The following PGLYRP3 variants were observed in gnomAD, a reference collection of about 807,000 sequenced individuals.
PGLYRP3 encodes the protein peptidoglycan recognition protein I alpha.
Under a neutral mutation model 36.0 loss-of-function variants are expected in PGLYRP3, and 39 were observed. That is an observed-to-expected ratio of 1.08 (90% CI 0.84 to 1.41). PGLYRP3 has a LOEUF of 1.41. PGLYRP3 is among the 40% of genes most tolerant of loss of function. PGLYRP3 has a pLI of 0.00. For synonymous variants in PGLYRP3, 204 were observed against 172.8 expected (o/e 1.18, Z -1.42); for missense variants, 407 against 427.9 (o/e 0.95, Z 0.43).
chr1:153,299,214 T>C lies in PGLYRP3; in HGVS notation c.746A>G (p.Asp249Gly), dbSNP rs768738802. 11 of 1,613,854 alleles carry C rather than the reference T, an allele frequency of 6.8e-6. No homozygotes were observed. Among genetic ancestry groups the C allele is most frequent in the Non-Finnish European group, 9.3e-6 (11 of 1,179,924 alleles). ...TCCAACCCCTTCATACACGCCACCA[T>C]CCTGGCCCACCAGGAAGCTTAGGTC... ...DIGYHFLVGQ[D>G]GGVYEGVGWH... The change falls in exon 7 of 8, where the codon GAT (aspartate) becomes GGT (glycine). Residue 249 changes from aspartate to glycine, a missense_variant. Coordinates refer to ENST00000683862, the MANE Select transcript of PGLYRP3 (RefSeq NM_052891.3).
intron 2 of PGLYRP3, among the ~76,000 whole-genome samples, chr1:153,308,373 A>T (rs1659809996): frequency 6.6e-6 from 1 of 152,036 alleles, no homozygotes; most frequent in African/African-American, 2.4e-5. Context: ...AGGACTCAGG[A>T]TGATCCATGG....
At chr1:153,302,260 C>T in intron 6 of PGLYRP3, 149 bp downstream of exon 6, 1 of 785,942 alleles carries the variant, frequency 1.3e-6, no homozygotes, top group Non-Finnish European at 2.1e-6. Flanking sequence ...GAATGATCCT[C>T]AGCCCAATCT....
chr1:153,308,777 G>T (rs181259520), intron 2 of PGLYRP3, among the ~76,000 whole-genome samples: 63 of 152,316 alleles, frequency 4.1e-4, no homozygotes, highest in African/African-American at 1.4e-3. Context: ...AACCACAGAA[G>T]TCTCTGGCCT....
At chr1:153,308,334 C>T (rs1272311767) in intron 2 of PGLYRP3, among the ~76,000 whole-genome samples, 10 of 152,116 alleles carry the variant, frequency 6.6e-5, no homozygotes, top group African/African-American at 2.2e-4. Context: ...CTTTTTCTCT[C>T]CTTAGGCTGA....
chr1:153,297,877 G>A lies in PGLYRP3; in HGVS notation c.*79C>T. ...CTGGCAGGGGAGGGGGACACAAGGT[G>A]CTGAGCCACCTTGGCTGGTGAGGGT... On this transcript the variant is annotated 3_prime_UTR_variant, in exon 8 of 8. Transcript: ENST00000683862. 5 of 1,508,140 alleles carry A rather than the reference G, an allele frequency of 3.3e-6. No individual in the cohort carries two copies. Among genetic ancestry groups the A allele is most frequent in the Middle Eastern group, 2.1e-4 (1 of 4,658 alleles). 93.4% of individuals were successfully genotyped at this position (1,508,140 alleles called of 1,614,324 possible).
Position 153,303,883 on chromosome 1 carries a change from G to C in PGLYRP3, c.503C>G (p.Pro168Arg), listed in dbSNP as rs888698861. 6.2e-7 allele frequency: 1 copy of C among 1,613,578 alleles called. No individual in the cohort carries two copies. The highest frequency in any genetic ancestry group is 8.5e-7 in the Non-Finnish European group (1 of 1,179,778). Residue 168 changes from proline (P) to arginine (R), a missense_variant, in exon 5 of 8, where the codon CCT becomes CGT. Physicochemically the swap from Pro to Arg is moderately radical, Grantham distance 103. Coordinates refer to ENST00000683862, the MANE Select transcript of PGLYRP3 (RefSeq NM_052891.3). ...CTTCCTGGGCATCACTGGATGTTGA[G>C]GGTCCAGGCAGGTCTCTTCTTTCAG... ...LLLKEETCLD[P>R]QHPVMPRKVC... is the part of the protein sequence containing the mutation.
chr1:153,308,638 C>T (rs1349289749), intron 2 of PGLYRP3, among the ~76,000 whole-genome samples: 2 of 152,218 alleles, frequency 1.3e-5, no homozygotes, highest in Non-Finnish European at 2.9e-5. Flanking sequence ...AGCACTGGTG[C>T]ATTGGTGCAC....
intron 1 of PGLYRP3, 140 bp from the exon 2 acceptor site, chr1:153,310,846 C>A: frequency 1.7e-6 from 1 of 573,848 alleles, no homozygotes; most frequent in East Asian, 3.0e-5. Flanking sequence ...CTTCTCGGGG[C>A]CCCTTAAACA....
chr1:153,304,718 C>T (rs1199132345), intron 4 of PGLYRP3, among the ~76,000 whole-genome samples: 2 of 152,192 alleles, frequency 1.3e-5, no homozygotes, highest in Admixed American at 6.5e-5. Context: ...TCAAGCAACG[C>T]CCATGCAAGC....
In PGLYRP3 at chr1:153,302,288, A is replaced by T. The variant is rs990386392; in HGVS notation, c.728+121T>A. 45 of 1,051,332 alleles carry T rather than the reference A, an allele frequency of 4.3e-5. 1 individual carries two copies. The highest frequency in any genetic ancestry group is 7.1e-6 in the Non-Finnish European group (5 of 706,420). The allele number at this position is 1,051,332 out of a possible 1,614,324, so 65.1% of individuals were successfully genotyped here. A position where few individuals can be genotyped will look rare whatever the true frequency, so the allele number is the denominator to read the frequency against. On this transcript the variant is annotated intron_variant, in intron 6 of 7. Coordinates refer to ENST00000683862, the MANE Select transcript of PGLYRP3 (RefSeq NM_052891.3). ...CCCAATCTTGCAAAAATAAAATATG[A>T]TGCCTTATGGAAACCACCCAGCCCA...
At chr1:153,305,189 A>C in intron 3 of PGLYRP3, 124 bp from the exon 4 acceptor site, 5 of 652,946 alleles carry the variant, frequency 7.7e-6, no homozygotes, top group South Asian at 2.3e-5. Context: ...TAACAAAACA[A>C]TAGGAGGTGC....
At chr1:153,306,048 C>T (rs1000592250) in intron 3 of PGLYRP3, among the ~76,000 whole-genome samples, 7 of 152,190 alleles carry the variant, frequency 4.6e-5, no homozygotes, top group Admixed American at 2.0e-4. Context: ...GCGACAACAG[C>T]AGGATGGTGG....
intron 2 of PGLYRP3, among the ~76,000 whole-genome samples, chr1:153,308,283 C>A (rs904125814): frequency 6.6e-6 from 1 of 152,100 alleles, no homozygotes; most frequent in Non-Finnish European, 1.5e-5. Flanking sequence ...CGTGAGCCAC[C>A]GCGCCCAGCC....
chr1:153,303,282 G>A (rs1466208775), intron 5 of PGLYRP3, among the ~76,000 whole-genome samples: 2 of 152,214 alleles, frequency 1.3e-5, no homozygotes, highest in African/African-American at 2.4e-5. Context: ...TCATCTGTGA[G>A]CACAAGCTTT....
chr1:153,303,772 A>C (rs1283586530), intron 5 of PGLYRP3, 85 bp downstream of exon 5: 2 of 1,464,084 alleles, frequency 1.4e-6, no homozygotes, highest in East Asian at 4.6e-5. Context: ...CATGGGGTCT[A>C]ACAGGAAAAA....
chr1:153,305,143 G>C, intron 3 of PGLYRP3, 78 bp from the exon 4 acceptor site: 1 of 1,179,374 alleles, frequency 8.5e-7, no homozygotes, highest in South Asian at 1.4e-5. Flanking sequence ...AAGGAAAAGG[G>C]GTTCTGGAGG....
Position 153,299,122 on chromosome 1 carries a change from A to G in PGLYRP3, c.838T>C (p.Tyr280His). 2 of 1,613,978 alleles carry G rather than the reference A, an allele frequency of 1.2e-6. No homozygotes were observed. The highest frequency in any genetic ancestry group is 1.7e-6 in the Non-Finnish European group (2 of 1,179,862). The change falls in exon 7 of 8, where the codon TAC becomes CAC. Residue 280 changes from tyrosine (Y) to histidine (H), a missense_variant. Transcript: ENST00000683862. ...CATGCTCACCCCTTACCTACAAAGT[A>G]GCCGATGAAGGCAATTCCTAGGGCA... Reference protein sequence around the residue: ...DIALGIAFIGYFVEKPPNAAA... With the variant: ...DIALGIAFIGHFVEKPPNAAA...
At chr1:153,310,525 A>T in intron 2 of PGLYRP3, 86 bp downstream of exon 2, 1 of 1,390,282 alleles carries the variant, frequency 7.2e-7, no homozygotes, top group Non-Finnish European at 1.0e-6. Context: ...AAGTGAAAGC[A>T]CTCGGATGGG....
At position 153,298,022 on chromosome 1, in the gene PGLYRP3, G is replaced by A. The variant is rs775325906; in HGVS notation, c.960C>T (p.Val320=). 8 of 1,613,962 alleles carry A rather than the reference G, an allele frequency of 5.0e-6. No individual in the cohort carries two copies. The highest frequency in any genetic ancestry group is 5.9e-6 in the Non-Finnish European group (7 of 1,180,030). Residue 320 remains valine (V), a synonymous_variant, in exon 8 of 8, where the codon GTC becomes GTT. Coordinates refer to ENST00000683862, the MANE Select transcript of PGLYRP3 (RefSeq NM_052891.3). ...AAGCCTGCCCAGGGGACAGGATGTTGACCACGTCACTGTGGCCCATCAGCA... is the reference window on the plus strand; with the variant it reads ...AAGCCTGCCCAGGGGACAGGATGTTAACCACGTCACTGTGGCCCATCAGCA... The part of the protein sequence containing the change: ...NYLLMGHSDV[V]NILSPGQALY...
Sources: allele counts gnomAD v4.1 joint callset (sites outside exome capture counted in the v4.1 genomes callset), GRCh38; gene constraint gnomAD v4.1.1; transcripts MANE v1.5; gene names NCBI Gene and HGNC (gene_info 2026-07-23, HGNC 2026-07-21).